Variants in CPVL observed in about 807,000 individuals in gnomAD.
CPVL encodes carboxypeptidase vitellogenic like, also known as probable serine carboxypeptidase CPVL.
CPVL carries 51 observed loss-of-function variants against 63.7 expected under a neutral mutation model. The observed-to-expected ratio is 0.80, with a 90% CI of 0.64 to 1.01. The LOEUF is 1.01. Ranked by LOEUF, CPVL falls within the 50% of genes least tolerant of loss-of-function variation. The pLI, the probability that CPVL is intolerant of heterozygous loss-of-function variation, is 0.00. For missense variants in CPVL, 530 were observed against 573.1 expected (o/e 0.92, Z 0.77); for synonymous variants, 195 against 206.0 (o/e 0.95, Z 0.46).
intron 1 of CPVL, among the ~76,000 whole-genome samples, chr7:29,187,405 ATATTAT>A (rs2128750274): frequency 6.6e-6 from 1 of 152,088 alleles, no homozygotes; most frequent in South Asian, 2.1e-4. Context: ...GTACTCTGTT[ATATTAT>A]ACATGCCACT....
chr7:29,082,170 A>G (rs1429094293), intron 7 of CPVL, among the ~76,000 whole-genome samples: 1 of 150,898 alleles, frequency 6.6e-6, no homozygotes, highest in Non-Finnish European at 1.5e-5. Context: ...GTGTGGTGGC[A>G]GCAGCGAGAG....
intron 2 of CPVL, among the ~76,000 whole-genome samples, 171 bp downstream of exon 2, chr7:29,120,722 G>A (rs1789274434): frequency 6.6e-6 from 1 of 151,634 alleles, no homozygotes; most frequent in Admixed American, 6.6e-5. Context: ...TTGGGAGGCT[G>A]AGGCAGGAGA....
At chr7:29,147,121 T>C (rs1444452088), upstream of CPVL, 2 of 945,676 alleles carry the variant, frequency 2.1e-6, no homozygotes, top group East Asian at 5.3e-5. Flanking sequence ...TCACATTGCT[T>C]GTAAGTGACC....
chr7:29,026,972 T>C (rs1219258540), intron 12 of CPVL, among the ~76,000 whole-genome samples: 1 of 152,102 alleles, frequency 6.6e-6, no homozygotes, highest in African/African-American at 2.4e-5. Context: ...GAGGAGGCAA[T>C]TCTTTCTAAT....
intron 5 of CPVL, among the ~76,000 whole-genome samples, chr7:29,156,581 C>T (rs917949333): frequency 6.6e-5 from 10 of 152,140 alleles, no homozygotes; most frequent in Non-Finnish European, 1.3e-4. Context: ...CTAAGGCATC[C>T]CCGATAAAGG....
chr7:29,041,731 G>A (rs1344058021), intron 11 of CPVL, among the ~76,000 whole-genome samples: 1 of 152,126 alleles, frequency 6.6e-6, no homozygotes, highest in Non-Finnish European at 1.5e-5. Context: ...TCAATAAAGT[G>A]TATTATAAGC....
chr7:29,016,599 T>G (rs532640524), intron 12 of CPVL, among the ~76,000 whole-genome samples: 209 of 152,262 alleles, frequency 1.4e-3, no homozygotes, highest in African/African-American at 4.5e-3. Flanking sequence ...GAGAAGCCCC[T>G]GAGCACAGTG....
intron 7 of CPVL, among the ~76,000 whole-genome samples, chr7:29,080,703 G>A (rs1009828869): frequency 6.6e-6 from 1 of 152,018 alleles, no homozygotes; most frequent in South Asian, 2.1e-4. Flanking sequence ...AACAAACATG[G>A]CTCTCGCATA....
At chr7:29,080,557 C>CAAA (rs138264408) in intron 7 of CPVL, among the ~76,000 whole-genome samples, 4 of 103,202 alleles carry the variant, frequency 3.9e-5, no homozygotes, top group African/African-American at 7.5e-5. Flanking sequence ...CACTTTGTCT[C>CAAA]AAAAAAAAAA....
At chr7:29,019,841 G>GATCTTTGCCAACATTTTAAA (rs1250991807) in intron 12 of CPVL, among the ~76,000 whole-genome samples, 1 of 152,210 alleles carries the variant, frequency 6.6e-6, no homozygotes, top group Non-Finnish European at 1.5e-5. Context: ...AAGGGGGAAG[G>GATCTTTGCCAACATTTTAAA]ATCTTTGCCA....
upstream of CPVL, among the ~76,000 whole-genome samples, chr7:29,148,242 G>A (rs1793049394): frequency 6.6e-6 from 1 of 152,164 alleles, no homozygotes; most frequent in African/African-American, 2.4e-5. Context: ...CTAAGTATAA[G>A]GACAACTACT....
chr7:29,037,426 G>A (rs1238475276), intron 11 of CPVL, among the ~76,000 whole-genome samples: 5 of 151,384 alleles, frequency 3.3e-5, no homozygotes, highest in Middle Eastern at 3.2e-3. Context: ...GGTGGTGGGC[G>A]CCTGTAGTCC....
chr7:29,121,588 T>C (rs1409181826), intron 1 of CPVL, among the ~76,000 whole-genome samples: 1 of 152,154 alleles, frequency 6.6e-6, no homozygotes, highest in African/African-American at 2.4e-5. Flanking sequence ...GGGCAGAGGA[T>C]TGAAAGCACA....
In CPVL at chr7:29,004,896, C is replaced by CTTTTT. The variant is rs555443117; in HGVS notation, c.1321-9015_1321-9014insAAAAA. 6.9e-5 allele frequency among the ~76,000 whole-genome samples: 10 copies of CTTTTT among 144,878 alleles called. 1 individual carries two copies. The highest frequency in any genetic ancestry group is 2.2e-4 in the South Asian group (1 of 4,616). ...TACAAATATGTCTTTTTTTTCTTTTCTTTTCTTTTTTTTTTTTTGAGACAG... is the reference window on the plus strand; with the variant it reads ...TACAAATATGTCTTTTTTTTCTTTTCTTTTTTTTTCTTTTTTTTTTTTTGAGACAG... On this transcript the variant is annotated intron_variant, in intron 12 of 12. Coordinates refer to ENST00000265394, the MANE Select transcript of CPVL (RefSeq NM_031311.5).
At chr7:29,195,363 T>C (rs1783553717), upstream of CPVL, 1 of 234,478 alleles carries the variant, frequency 4.3e-6, no homozygotes, top group Non-Finnish European at 8.2e-6. Flanking sequence ...CCGACCTGTT[T>C]GCCGTGCCGC....
intron 3 of CPVL, chr7:29,184,651 A>G (rs910940012): frequency 6.6e-6 from 1 of 152,220 alleles, no homozygotes; most frequent in South Asian, 2.1e-4. Context: ...CAGGCCTTCA[A>G]CTGATGTGAT....
chr7:29,135,912 C>G lies in CPVL; in HGVS notation c.-11+10517G>C, dbSNP rs985359425. On this transcript the variant is annotated intron_variant, in intron 1 of 12. Coordinates refer to ENST00000265394, the MANE Select transcript of CPVL (RefSeq NM_031311.5). The stretch of plus-strand genomic sequence containing the variant: ...TTAATTTTTTTCACCTCATATACAG[C>G]TTGGGAACCAGCCAGTTTTTTTTGT... Among the ~76,000 whole-genome samples the G allele has an allele frequency of 5.3e-5, 8 of 152,228 alleles. No individual in the cohort carries two copies. The East Asian group carries it at 1.5e-3, about 29-fold the overall frequency.
intron 11 of CPVL, among the ~76,000 whole-genome samples, chr7:29,035,410 A>G (rs1788425179): frequency 6.6e-6 from 1 of 152,230 alleles, no homozygotes; most frequent in Admixed American, 6.5e-5. Flanking sequence ...AGTGCTACCA[A>G]AAGCTGCTGG....
intron 12 of CPVL, among the ~76,000 whole-genome samples, chr7:29,020,286 A>T (rs1356436333): frequency 2.0e-5 from 3 of 152,192 alleles, no homozygotes; most frequent in Non-Finnish European, 2.9e-5. Flanking sequence ...ATCACAAAGT[A>T]GTGTAGCAGA....
Sources: gnomAD v4.1 joint callset for allele counts (sites outside exome capture counted in the v4.1 genomes callset) on GRCh38, gnomAD v4.1.1 for gene constraint, MANE v1.5 for transcripts, NCBI Gene and HGNC (gene_info 2026-07-23, HGNC 2026-07-21) for gene names.